SLC25A48: variants seen among roughly 807,000 people sequenced by gnomAD.
SLC25A48 encodes the protein CTC-321K16.1.
SLC25A48 carries 29 observed loss-of-function variants against 32.2 expected under a neutral mutation model. That is an observed-to-expected ratio of 0.90 (90% CI 0.67 to 1.23). SLC25A48 has a LOEUF of 1.23. Ranked by LOEUF, SLC25A48 falls within the 50% of genes most tolerant of loss-of-function variation. The pLI is 0.00. For synonymous variants in SLC25A48, 164 were observed against 172.3 expected (o/e 0.95, Z 0.38); for missense variants, 399 against 422.7 (o/e 0.94, Z 0.49).
intron 1 of SLC25A48, chr5:135,609,316 G>A (rs7715321): frequency 0.36 from 54,436 of 152,138 alleles, 9,789 homozygotes; most frequent in Middle Eastern, 0.38. Context: ...TGTGGAGGGT[G>A]CCAGGAATAC....
intron 3 of SLC25A48, among the ~76,000 whole-genome samples, chr5:135,639,859 C>G (rs1561770150): frequency 1.3e-5 from 2 of 152,176 alleles, no homozygotes; most frequent in Admixed American, 6.5e-5. Context: ...GAACATTATT[C>G]AGATTCCCAA....
chr5:135,580,951 C>T (rs373581901), intron 1 of SLC25A48, among the ~76,000 whole-genome samples: 41 of 152,062 alleles, frequency 2.7e-4, no homozygotes, highest in African/African-American at 8.7e-4. Context: ...CATCTGAGGC[C>T]GGGTAGTATA....
At chr5:135,618,180 A>G (rs1752233215) in intron 1 of SLC25A48, among the ~76,000 whole-genome samples, 1 of 151,954 alleles carries the variant, frequency 6.6e-6, no homozygotes, top group Admixed American at 6.6e-5. Context: ...TTCTTTGTCT[A>G]TTTTTACTGT....
intron 1 of SLC25A48, among the ~76,000 whole-genome samples, chr5:135,841,987 C>T (rs963500139): frequency 2.6e-5 from 4 of 152,292 alleles, no homozygotes; most frequent in East Asian, 1.9e-4. Context: ...TTCACTCCTT[C>T]GGTTGGTTGT....
At chr5:135,646,263 G>A (rs545976019) in intron 3 of SLC25A48, among the ~76,000 whole-genome samples, 3 of 113,672 alleles carry the variant, frequency 2.6e-5, no homozygotes, top group East Asian at 4.6e-4. Context: ...CTCTCCGGCC[G>A]GCTTGGCTCT....
intron 3 of SLC25A48, among the ~76,000 whole-genome samples, chr5:135,700,424 G>GA (rs1441218330): frequency 6.7e-6 from 1 of 148,752 alleles, no homozygotes; most frequent in East Asian, 2.0e-4. Context: ...ATATTGGACT[G>GA]AAAATGTGAA....
chr5:135,615,190 T>G (rs1752157528), intron 1 of SLC25A48, among the ~76,000 whole-genome samples: 1 of 152,182 alleles, frequency 6.6e-6, no homozygotes, highest in African/African-American at 2.4e-5. Context: ...GGAAGCAACT[T>G]TGGAACTGGG....
intron 4 of SLC25A48, among the ~76,000 whole-genome samples, chr5:135,859,676 G>T (rs899314576): frequency 2.6e-5 from 4 of 152,156 alleles, no homozygotes; most frequent in Admixed American, 6.5e-5. Flanking sequence ...GCTGCTGATT[G>T]GTTGGCATGC....
chr5:135,678,489 A>G (rs532924423), intron 3 of SLC25A48, among the ~76,000 whole-genome samples: 1 of 152,142 alleles, frequency 6.6e-6, no homozygotes, highest in African/African-American at 2.4e-5. Context: ...GGCTTTTTAA[A>G]TATCATTATT....
At chr5:135,880,466 A>T (rs1397589844) in intron 7 of SLC25A48, among the ~76,000 whole-genome samples, 2 of 152,096 alleles carry the variant, frequency 1.3e-5, no homozygotes, top group Non-Finnish European at 2.9e-5. Context: ...GGGTACCTGC[A>T]GGGGGCACCG....
intron 1 of SLC25A48, among the ~76,000 whole-genome samples, chr5:135,622,314 C>T (rs1752344006): frequency 6.6e-6 from 1 of 152,194 alleles, no homozygotes; most frequent in Non-Finnish European, 1.5e-5. Flanking sequence ...CATTCATCTT[C>T]TCTAAATTTA....
chr5:135,682,057 C>T (rs886335013), intron 3 of SLC25A48, among the ~76,000 whole-genome samples: 3 of 152,246 alleles, frequency 2.0e-5, no homozygotes, highest in Admixed American at 2.0e-4. Flanking sequence ...GTGCAATTCT[C>T]TCCTCTCTGG....
chr5:135,736,675 G>A (rs1409653535), intron 3 of SLC25A48, among the ~76,000 whole-genome samples: 1 of 152,154 alleles, frequency 6.6e-6, no homozygotes, highest in Non-Finnish European at 1.5e-5. Context: ...ATCCCCGTGT[G>A]ATCAGACACC....
At chr5:135,746,965 C>T (rs563671673) in intron 3 of SLC25A48, among the ~76,000 whole-genome samples, 6 of 150,426 alleles carry the variant, frequency 4.0e-5, no homozygotes, top group East Asian at 2.0e-4. Flanking sequence ...ACTCTTGCCC[C>T]GTCATTAGAT....
chr5:135,631,837 A>G (rs1156301363), intron 2 of SLC25A48, among the ~76,000 whole-genome samples: 1 of 152,222 alleles, frequency 6.6e-6, no homozygotes, highest in Non-Finnish European at 1.5e-5. Flanking sequence ...GAGTTTCTCA[A>G]TCCCATCTTT....
At chr5:135,871,800 G>A (rs1445141037) in intron 5 of SLC25A48, 82 bp downstream of exon 5, 1 of 1,584,490 alleles carries the variant, frequency 6.3e-7, no homozygotes, top group Non-Finnish European at 8.6e-7. Context: ...GCCCTTCTCA[G>A]CCCAGGGGGA....
intron 3 of SLC25A48, among the ~76,000 whole-genome samples, chr5:135,769,684 A>G (rs1396147116): frequency 1.3e-5 from 2 of 150,254 alleles, no homozygotes; most frequent in Non-Finnish European, 3.0e-5. Flanking sequence ...GTACACCCCC[A>G]TGTGATAATT....
intron 3 of SLC25A48, among the ~76,000 whole-genome samples, chr5:135,716,668 T>C (rs1011710820): frequency 2.0e-5 from 3 of 151,966 alleles, no homozygotes; most frequent in Non-Finnish European, 2.9e-5. Flanking sequence ...CAACAAGGAG[T>C]CTTCCAAATA....
intron 3 of SLC25A48, among the ~76,000 whole-genome samples, chr5:135,793,641 T>C (rs1050848660): frequency 1.3e-5 from 2 of 151,876 alleles, no homozygotes; most frequent in African/African-American, 4.8e-5. Flanking sequence ...ATTACTCTCC[T>C]AATGTCACAG....
Sources: allele counts gnomAD v4.1 joint callset (sites outside exome capture counted in the v4.1 genomes callset), GRCh38; gene constraint gnomAD v4.1.1; transcripts MANE v1.5; gene names NCBI Gene and HGNC (gene_info 2026-07-23, HGNC 2026-07-21).